PPM1H: variants seen among roughly 807,000 people sequenced by gnomAD.
The protein encoded by PPM1H is protein phosphatase 1H.
A neutral mutation model predicts 54.9 loss-of-function variants in PPM1H; 27 were observed. The ratio of observed to expected loss-of-function variants is 0.49; its 90% confidence interval spans 0.36 to 0.68. The LOEUF is 0.68. Among genes scored for constraint, PPM1H ranks in the 30% least tolerant of loss-of-function variants. The pLI, the probability that PPM1H is intolerant of heterozygous loss-of-function variation, is 0.00. For synonymous variants in PPM1H, 305 were observed against 270.8 expected (o/e 1.13, Z -1.24); for missense variants, 596 against 667.8 (o/e 0.89, Z 1.19).
In PPM1H at chr12:62,903,222, C is replaced by T. The variant is rs180700811; in HGVS notation, c.245+31270G>A. ...GGTGCAGTTCATTTCTTTAGACATG[C>T]CTCCATCCACATCAAGTCTGAAAGC... On this transcript the variant is annotated intron_variant, in intron 1 of 9. Transcript: ENST00000228705. Among the ~76,000 whole-genome samples, 31 of 152,242 alleles carry T rather than the reference C, an allele frequency of 2.0e-4. No homozygotes were observed. In the East Asian group the frequency reaches 5.4e-3, roughly 27 times the overall value.
intron 1 of PPM1H, among the ~76,000 whole-genome samples, chr12:62,916,477 A>C (rs751331334): frequency 5.9e-5 from 9 of 152,214 alleles, no homozygotes; most frequent in Non-Finnish European, 1.0e-4. Context: ...CTAACCAATG[A>C]TATTTACTGA....
At chr12:62,697,963 G>A (rs2076123259) in intron 6 of PPM1H, among the ~76,000 whole-genome samples, 1 of 151,864 alleles carries the variant, frequency 6.6e-6, no homozygotes, top group Non-Finnish European at 1.5e-5. Flanking sequence ...TTTTTTAGAT[G>A]AGAAAAAAAA....
intron 4 of PPM1H, among the ~76,000 whole-genome samples, chr12:62,784,837 C>G (rs1226834426): frequency 3.3e-5 from 5 of 152,194 alleles, no homozygotes; most frequent in Non-Finnish European, 7.4e-5. Context: ...TGTAAAAGAG[C>G]TGCAAATAGC....
rs143418981 is a variant in PPM1H at position 62,806,965 on chromosome 12, G to C, written c.412-4805C>G. Among the ~76,000 whole-genome samples the C allele has an allele frequency of 3.3e-3, 496 of 152,280 alleles. 3 individuals carry two copies. Among genetic ancestry groups the C allele is most frequent in the African/African-American group, 0.012 (480 of 41,558 alleles). ...AGAGGGACAGGACACATTGGAGAAG[G>C]CTTCCTGAGGACATGAGGACTAGGC... is the stretch of plus-strand genomic sequence containing the variant. On this transcript the variant is annotated intron_variant, in intron 2 of 9. Transcript: ENST00000228705.
At chr12:62,779,965 T>C (rs2076631870) in intron 4 of PPM1H, among the ~76,000 whole-genome samples, 2 of 152,258 alleles carry the variant, frequency 1.3e-5, no homozygotes, top group African/African-American at 2.4e-5. Context: ...TGATCATCTA[T>C]ACACATGTTG....
chr12:62,927,783 AT>A (rs1192465596), intron 1 of PPM1H, among the ~76,000 whole-genome samples: 10 of 151,810 alleles, frequency 6.6e-5, no homozygotes, highest in Non-Finnish European at 1.2e-4. Flanking sequence ...ATCAGCTTTT[AT>A]TTTTTTTAAA....
chr12:62,893,637 G>C (rs1186190272), intron 1 of PPM1H, among the ~76,000 whole-genome samples: 2 of 151,522 alleles, frequency 1.3e-5, no homozygotes, highest in Non-Finnish European at 2.9e-5. Context: ...GTGTGTGTGC[G>C]GGGGGGAGGG....
At chr12:62,901,246 A>G (rs1871157864) in intron 1 of PPM1H, among the ~76,000 whole-genome samples, 1 of 152,226 alleles carries the variant, frequency 6.6e-6, no homozygotes. Context: ...CACTTTTTCA[A>G]AACCCTTGGG....
At chr12:62,768,214 A>G (rs1487740446) in intron 4 of PPM1H, among the ~76,000 whole-genome samples, 1 of 152,154 alleles carries the variant, frequency 6.6e-6, no homozygotes, top group Non-Finnish European at 1.5e-5. Flanking sequence ...CCCTGTGCTC[A>G]GGAGAAAGGA....
chr12:62,679,108 T>A (rs1361713975), intron 8 of PPM1H, among the ~76,000 whole-genome samples: 1 of 151,968 alleles, frequency 6.6e-6, no homozygotes, highest in Non-Finnish European at 1.5e-5. Flanking sequence ...TGCCTCAGCC[T>A]CCCGAGTAGC....
chr12:62,752,081 A>C (rs756069830), intron 4 of PPM1H, among the ~76,000 whole-genome samples: 5 of 152,232 alleles, frequency 3.3e-5, no homozygotes, highest in African/African-American at 1.2e-4. Flanking sequence ...AAAAGTAATC[A>C]AAGTTTGCAG....
intron 6 of PPM1H, among the ~76,000 whole-genome samples, chr12:62,706,173 G>C (rs139277508): frequency 7.7e-4 from 117 of 152,248 alleles, no homozygotes; most frequent in African/African-American, 2.6e-3. Flanking sequence ...TGAGTCTTCT[G>C]TTTTATCTTT....
chr12:62,842,475 T>TGAAACCAAAAG (rs1868788779), intron 1 of PPM1H, among the ~76,000 whole-genome samples: 3 of 152,322 alleles, frequency 2.0e-5, no homozygotes, highest in South Asian at 4.1e-4. Context: ...GACAGAAGTA[T>TGAAACCAAAAG]TCTAATCTCA....
intron 1 of PPM1H, among the ~76,000 whole-genome samples, chr12:62,916,237 T>C (rs1372272791): frequency 2.0e-5 from 3 of 152,268 alleles, no homozygotes; most frequent in Non-Finnish European, 4.4e-5. Context: ...TGAATGGTTT[T>C]CTGTCAACCG....
intron 6 of PPM1H, among the ~76,000 whole-genome samples, chr12:62,709,798 T>C (rs1258392447): frequency 6.6e-6 from 1 of 152,224 alleles, no homozygotes; most frequent in African/African-American, 2.4e-5. Flanking sequence ...AGGCCGGGCG[T>C]GGTGGCTCAC....
chr12:62,675,707 T>C (rs886170803), intron 8 of PPM1H, among the ~76,000 whole-genome samples: 1 of 152,230 alleles, frequency 6.6e-6, no homozygotes. Context: ...GGGGTTAAGA[T>C]GGTCACCTGA....
chr12:62,816,561 T>G (rs1208756108), intron 2 of PPM1H, among the ~76,000 whole-genome samples: 1 of 152,224 alleles, frequency 6.6e-6, no homozygotes, highest in Non-Finnish European at 1.5e-5. Context: ...TATCTCATTA[T>G]GTATATGCAA....
At chr12:62,691,839 C>G (rs1206540345) in intron 7 of PPM1H, among the ~76,000 whole-genome samples, 3 of 149,404 alleles carry the variant, frequency 2.0e-5, no homozygotes, top group African/African-American at 7.4e-5. Flanking sequence ...TGATGCAAAG[C>G]AAAGCCTGGG....
chr12:62,803,337 A>C (rs184646652), intron 2 of PPM1H, among the ~76,000 whole-genome samples: 15 of 152,306 alleles, frequency 9.8e-5, no homozygotes, highest in Admixed American at 9.1e-4. Context: ...GATCTTAGAG[A>C]AAAGGAGCTC....
Sources: allele counts gnomAD v4.1 joint callset (sites outside exome capture counted in the v4.1 genomes callset), GRCh38; gene constraint gnomAD v4.1.1; transcripts MANE v1.5; gene names NCBI Gene and HGNC (gene_info 2026-07-23, HGNC 2026-07-21).